PITPNM3: variants seen among roughly 807,000 people sequenced by gnomAD.
PITPNM3 encodes the protein PITPNM family member 3.
PITPNM3 carries 26 observed loss-of-function variants against 102.0 expected under a neutral mutation model. The ratio of observed to expected loss-of-function variants is 0.25; its 90% confidence interval spans 0.19 to 0.35. The LOEUF (loss-of-function observed/expected upper bound fraction) is 0.35. Ranked by LOEUF, PITPNM3 falls within the 10% of genes least tolerant of loss-of-function variation. The pLI, the probability that PITPNM3 is intolerant of heterozygous loss-of-function variation, is 1.00. For synonymous variants in PITPNM3, 578 were observed against 558.6 expected, an observed-to-expected ratio of 1.03 and a Z score of -0.49; for missense variants, 1,083 against 1,346.1, an observed-to-expected ratio of 0.80 and a Z score of 3.06.
chr17:6,502,945 G>A (rs955311214), intron 4 of PITPNM3, among the ~76,000 whole-genome samples: 1 of 152,162 alleles, frequency 6.6e-6, no homozygotes, highest in African/African-American at 2.4e-5. Flanking sequence ...ACCTGGAGAC[G>A]CCTGTATAAC....
At chr17:6,467,571 C>A (rs1304919361) in intron 14 of PITPNM3, among the ~76,000 whole-genome samples, 1 of 152,146 alleles carries the variant, frequency 6.6e-6, no homozygotes, top group African/African-American at 2.4e-5. Context: ...CTCCTTCTAC[C>A]TTTTAGGACT....
At chr17:6,495,640 C>T (rs1052749718) in intron 4 of PITPNM3, among the ~76,000 whole-genome samples, 7 of 152,148 alleles carry the variant, frequency 4.6e-5, no homozygotes, top group African/African-American at 1.2e-4. Flanking sequence ...CCGCTGTGGA[C>T]GAAGGACCCC....
rs34536093 is a variant in PITPNM3 at position 6,468,460 on chromosome 17, T to C, written c.1774-119A>G. 1.0e-6 allele frequency: 1 copy of C among 986,114 alleles called. No individual in the cohort carries two copies. Among genetic ancestry groups the C allele is most frequent in the Non-Finnish European group, 1.6e-6 (1 of 620,040 alleles). The allele number at this position is 986,114 out of a possible 1,614,324, so 61.1% of individuals were successfully genotyped here. ...GCCCTGCCCCTGCAACCCCCCAACC[T>C]CACAGCCTGGAACCGTCAGGAGGCC... is the stretch of plus-strand genomic sequence containing the variant. On this transcript the variant is annotated intron_variant, in intron 13 of 19. Coordinates refer to ENST00000262483, the MANE Select transcript of PITPNM3 (RefSeq NM_031220.4). This position sits in a 1 kb window ranked among gnomAD's most constrained non-coding sequence, Gnocchi z 5.2.
At chr17:6,491,067 GAGGGGAGGAAAGGGGAGGGGA>G (rs1906439612) in intron 4 of PITPNM3, among the ~76,000 whole-genome samples, 1 of 64,644 alleles carries the variant, frequency 1.5e-5, no homozygotes, top group African/African-American at 6.3e-5. Flanking sequence ...AGGGGAGGGG[GAGGGGAGGAAAGGGGAGGGGA>G]AGGGAAGGGA....
At chr17:6,494,296 TTCACGCCACAGCCCTGCCTCCTCAGGGA>T (rs1906669620) in intron 4 of PITPNM3, among the ~76,000 whole-genome samples, 1 of 152,188 alleles carries the variant, frequency 6.6e-6, no homozygotes, top group Admixed American at 6.5e-5. Context: ...TACTAATCCC[TTCACGCCACAGCCCTGCCTCCTCAGGGA>T]GACTCTTGGC....
intron 4 of PITPNM3, among the ~76,000 whole-genome samples, chr17:6,495,723 G>A (rs1188523744): frequency 6.6e-6 from 1 of 152,202 alleles, no homozygotes; most frequent in Non-Finnish European, 1.5e-5. Flanking sequence ...GTTTTGAGGC[G>A]ATGGCAGGAG....
At chr17:6,466,805 G>A (rs923732220) in intron 14 of PITPNM3, among the ~76,000 whole-genome samples, 2 of 152,064 alleles carry the variant, frequency 1.3e-5, no homozygotes, top group East Asian at 1.9e-4. Context: ...ATACATGGAC[G>A]TTCATAGCAG....
At chr17:6,510,029 G>C (rs753719850) in intron 3 of PITPNM3, among the ~76,000 whole-genome samples, 5 of 149,356 alleles carry the variant, frequency 3.3e-5, no homozygotes, top group African/African-American at 1.2e-4. Context: ...ACCTCAGACA[G>C]GACAAACTCC....
chr17:6,508,178 C>T (rs562522474), intron 3 of PITPNM3, among the ~76,000 whole-genome samples: 16 of 152,244 alleles, frequency 1.1e-4, no homozygotes, highest in African/African-American at 3.4e-4. Context: ...GCAAGCTTCA[C>T]GTGGGTAAGA....
At chr17:6,524,662 G>C (rs1191516748) in intron 3 of PITPNM3, among the ~76,000 whole-genome samples, 1 of 152,186 alleles carries the variant, frequency 6.6e-6, no homozygotes, top group Non-Finnish European at 1.5e-5. Context: ...GCTTAAGCCT[G>C]ATCCACATAT....
At chr17:6,512,753 T>G (rs1259606529) in intron 3 of PITPNM3, among the ~76,000 whole-genome samples, 1 of 152,140 alleles carries the variant, frequency 6.6e-6, no homozygotes, top group Non-Finnish European at 1.5e-5. Flanking sequence ...TAATCAGGGA[T>G]ACCCAGGCAG....
At chr17:6,536,156 C>T (rs1257612416) in intron 2 of PITPNM3, among the ~76,000 whole-genome samples, 3 of 151,700 alleles carry the variant, frequency 2.0e-5, no homozygotes, top group East Asian at 1.9e-4. Context: ...GAAGTGGGGC[C>T]GATTTCACGG....
chr17:6,497,102 G>A (rs542001564), intron 4 of PITPNM3, among the ~76,000 whole-genome samples: 28 of 152,304 alleles, frequency 1.8e-4, no homozygotes, highest in Admixed American at 1.2e-3. Context: ...GCTAAATATA[G>A]CCTGTCTGCA....
chr17:6,462,904 C>G (rs73975548), intron 17 of PITPNM3, among the ~76,000 whole-genome samples: 4 of 152,006 alleles, frequency 2.6e-5, no homozygotes, highest in African/African-American at 7.3e-5. Flanking sequence ...TGGGGAGCAC[C>G]CTGGAGCCCA....
At position 6,556,342 on chromosome 17, in the gene PITPNM3, CT is replaced by C; in HGVS notation, c.22+42del. Reference sequence around the variant, plus strand: ...GCCCCTCCTCTAGACGCGCGAGTCCCTCCCCCGGGCCCCGGCCCTGCCCTCC... The same window carrying C: ...GCCCCTCCTCTAGACGCGCGAGTCCCCCCCCGGGCCCCGGCCCTGCCCTCC... On this transcript the variant is annotated intron_variant, in intron 1 of 19. Coordinates refer to ENST00000262483, the MANE Select transcript of PITPNM3 (RefSeq NM_031220.4). This position sits in a 1 kb window ranked among gnomAD's most constrained non-coding sequence, Gnocchi z 5.2. 7.2e-7 allele frequency: 1 copy of C among 1,397,274 alleles called. No individual in the cohort carries two copies. Among genetic ancestry groups the C allele is most frequent in the Non-Finnish European group, 9.3e-7 (1 of 1,070,106 alleles). The allele number at this position is 1,397,274 out of a possible 1,614,324, so 86.6% of individuals were successfully genotyped here.
intron 3 of PITPNM3, among the ~76,000 whole-genome samples, chr17:6,519,996 G>T: frequency 6.6e-6 from 1 of 152,092 alleles, no homozygotes; most frequent in South Asian, 2.1e-4. Flanking sequence ...GAATATATAT[G>T]AAGATCTCCT....
In PITPNM3 at chr17:6,453,277, G is replaced by T. The variant is rs4796499; in HGVS notation, c.*2061C>A. The stretch of plus-strand genomic sequence containing the variant: ...TTAGTGTAACCAGTGCCTTCTGCAA[G>T]AAGGAGATGGTAGAGTTTTCAAGAA... On this transcript the variant is annotated 3_prime_UTR_variant, in exon 20 of 20. Transcript: ENST00000262483. 2 of 151,944 alleles carry T rather than the reference G, an allele frequency of 1.3e-5. No individual in the cohort carries two copies. Among genetic ancestry groups the T allele is most frequent in the African/African-American group, 4.8e-5 (2 of 41,322 alleles). 9.4% of individuals were successfully genotyped at this position (151,944 alleles called of 1,614,324 possible).
At position 6,468,170 on chromosome 17, in the gene PITPNM3, C is replaced by G. The variant is rs1904879383; in HGVS notation, c.1890+55G>C. On this transcript the variant is annotated intron_variant, in intron 14 of 19. Transcript: ENST00000262483. The surrounding 1 kb of genome is among the most constrained non-coding windows in gnomAD (Gnocchi z 5.2). ...GTGGATGCCCCAGCCCCCGGGCCAG[C>G]CCCACCTCCCGGAGGACACAGTCCC... The G allele has an allele frequency of 6.4e-7, 1 of 1,561,772 alleles. No individual in the cohort carries two copies. Among genetic ancestry groups the G allele is most frequent in the African/African-American group, 1.4e-5 (1 of 73,932 alleles).
intron 2 of PITPNM3, among the ~76,000 whole-genome samples, chr17:6,530,443 A>G (rs760932237): frequency 6.6e-6 from 1 of 152,160 alleles, no homozygotes; most frequent in Non-Finnish European, 1.5e-5. Context: ...GCAACACAGA[A>G]CCCAGCTCCT....
Sources: allele counts gnomAD v4.1 joint callset (sites outside exome capture counted in the v4.1 genomes callset), GRCh38; gene constraint gnomAD v4.1.1; non-coding constraint Gnocchi (gnomAD v3.1); transcripts MANE v1.5; gene names NCBI Gene and HGNC (gene_info 2026-07-23, HGNC 2026-07-21).